The following ARHGAP32 variants were observed in gnomAD, a reference collection of about 807,000 sequenced individuals.
ARHGAP32 encodes rho GTPase-activating protein 32.
Under a neutral mutation model 186.5 loss-of-function variants are expected in ARHGAP32, and 51 were observed. The ratio of observed to expected loss-of-function variants is 0.27; its 90% CI spans 0.22 to 0.35. ARHGAP32 has a LOEUF of 0.35. Ranked by LOEUF, ARHGAP32 falls within the 10% of genes least tolerant of loss-of-function variation. ARHGAP32 has a pLI of 1.00. For missense variants in ARHGAP32, 2,186 were observed against 2,623.5 expected, an observed-to-expected ratio of 0.83 and a Z score of 3.64; for synonymous variants, 950 against 964.3, an observed-to-expected ratio of 0.99 and a Z score of 0.27.
At chr11:129,248,966 C>G (rs527903254) in intron 1 of ARHGAP32, among the ~76,000 whole-genome samples, 1 of 152,262 alleles carries the variant, frequency 6.6e-6, no homozygotes, top group Admixed American at 6.5e-5. Flanking sequence ...TTCCTCTAAA[C>G]GTGGTCACTT....
chr11:129,219,302 T>A (rs1050314375), intron 1 of ARHGAP32, among the ~76,000 whole-genome samples: 1 of 152,220 alleles, frequency 6.6e-6, no homozygotes. Context: ...ATTCTCTCAT[T>A]CTTTATCCAT....
intron 2 of ARHGAP32, among the ~76,000 whole-genome samples, chr11:129,162,030 G>A (rs1479272063): frequency 1.3e-5 from 2 of 152,130 alleles, no homozygotes; most frequent in Non-Finnish European, 2.9e-5. Flanking sequence ...ATCATTCTCA[G>A]CAAACTAACA....
At chr11:129,143,598 C>T (rs1943108055) in intron 2 of ARHGAP32, among the ~76,000 whole-genome samples, 3 of 152,162 alleles carry the variant, frequency 2.0e-5, no homozygotes, top group African/African-American at 4.8e-5. Context: ...ATTCAACTCA[C>T]GCTTCTTTGA....
In ARHGAP32 at chr11:128,967,755, C is replaced by T. The variant is rs1016394539; in HGVS notation, c.*1152G>A. ...ACTGCCCAGAACTCCACTGGTGAAACGGGGCTGTGAACTAAGCAGTTATTG... is the reference window on the plus strand; with the variant it reads ...ACTGCCCAGAACTCCACTGGTGAAATGGGGCTGTGAACTAAGCAGTTATTG... On this transcript the variant is annotated 3_prime_UTR_variant, in exon 23 of 23. Coordinates refer to ENST00000682385, the MANE Select transcript of ARHGAP32 (RefSeq NM_001378024.1). 3 of 152,078 alleles carry T rather than the reference C, an allele frequency of 2.0e-5. No homozygotes were observed. The highest frequency in any genetic ancestry group is 2.9e-5 in the Non-Finnish European group (2 of 68,016). 9.4% of individuals were successfully genotyped at this position (152,078 alleles called of 1,614,324 possible). A position where few individuals can be genotyped will look rare whatever the true frequency, so the allele number is the denominator to read the frequency against.
intron 1 of ARHGAP32, among the ~76,000 whole-genome samples, chr11:129,265,140 C>T (rs142132976): frequency 6.6e-6 from 1 of 152,296 alleles, no homozygotes; most frequent in East Asian, 1.9e-4. Flanking sequence ...CAACCTGTTT[C>T]CAAACTGGGA....
At chr11:129,033,681 T>C (rs964864047) in intron 11 of ARHGAP32, among the ~76,000 whole-genome samples, 3 of 152,216 alleles carry the variant, frequency 2.0e-5, no homozygotes, top group Non-Finnish European at 2.9e-5. Flanking sequence ...TTCTATAGTA[T>C]TATCTTCTAA....
chr11:129,133,422 A>G (rs1429352744), intron 2 of ARHGAP32, among the ~76,000 whole-genome samples: 1 of 152,220 alleles, frequency 6.6e-6, no homozygotes, highest in Non-Finnish European at 1.5e-5. Flanking sequence ...GATCACAGAA[A>G]ACAAAACAAG....
chr11:128,994,957 T>C (rs1946157941), intron 12 of ARHGAP32, among the ~76,000 whole-genome samples: 2 of 152,164 alleles, frequency 1.3e-5, no homozygotes, highest in South Asian at 2.1e-4. Flanking sequence ...AAGTTAATTT[T>C]TTTTCTAGTC....
At chr11:129,180,472 A>G (rs1298513970) in intron 1 of ARHGAP32, among the ~76,000 whole-genome samples, 4 of 152,130 alleles carry the variant, frequency 2.6e-5, no homozygotes, top group African/African-American at 9.7e-5. Context: ...TATGATTTGT[A>G]GACTTTATTA....
chr11:129,106,654 G>A (rs1026316096), intron 5 of ARHGAP32, among the ~76,000 whole-genome samples: 1 of 152,032 alleles, frequency 6.6e-6, no homozygotes, highest in Non-Finnish European at 1.5e-5. Flanking sequence ...AAATACACTT[G>A]TACATGTACT....
At chr11:129,170,778 T>C (rs1485306007) in intron 1 of ARHGAP32, among the ~76,000 whole-genome samples, 1 of 152,168 alleles carries the variant, frequency 6.6e-6, no homozygotes, top group Admixed American at 6.5e-5. Flanking sequence ...TAATTTACAT[T>C]CCCACCAACA....
chr11:129,219,303 C>T (rs1249218421), intron 1 of ARHGAP32, among the ~76,000 whole-genome samples: 3 of 152,166 alleles, frequency 2.0e-5, no homozygotes, highest in Non-Finnish European at 4.4e-5. Flanking sequence ...TTCTCTCATT[C>T]TTTATCCATG....
intron 5 of ARHGAP32, among the ~76,000 whole-genome samples, chr11:129,102,413 G>A (rs1941926676): frequency 6.6e-6 from 1 of 152,158 alleles, no homozygotes; most frequent in Non-Finnish European, 1.5e-5. Flanking sequence ...TGGCAAACTG[G>A]ATAAAGAACC....
At chr11:129,232,018 G>T (rs1430932013) in intron 1 of ARHGAP32, among the ~76,000 whole-genome samples, 2 of 91,202 alleles carry the variant, frequency 2.2e-5, no homozygotes, top group African/African-American at 9.2e-5. Flanking sequence ...AAAGTGAGAC[G>T]GACTCAAAAA....
Position 129,123,315 on chromosome 11 carries a change from A to T in ARHGAP32, c.444+131T>A. 1 of 699,206 alleles carries T rather than the reference A, an allele frequency of 1.4e-6. No homozygotes were observed. The highest frequency in any genetic ancestry group is 2.4e-6 in the Non-Finnish European group (1 of 422,324). The allele number at this position is 699,206 out of a possible 1,614,324, so 43.3% of individuals were successfully genotyped here. ...AGAGAAGAAAGATTTTACCTCAACC[A>T]ATAAGACATCAATTAAAAAAAAAAC... On this transcript the variant is annotated intron_variant, in intron 5 of 22. Transcript: ENST00000682385. The surrounding 1 kb of genome is among the most constrained non-coding windows in gnomAD (Gnocchi z 4.6).
chr11:129,195,467 C>T (rs1243148358), upstream of ARHGAP32, among the ~76,000 whole-genome samples: 2 of 152,134 alleles, frequency 1.3e-5, no homozygotes, highest in Non-Finnish European at 2.9e-5. Context: ...TCTGTTTTGA[C>T]TCTGCCATCA....
chr11:129,017,438 A>C (rs1938404281), intron 11 of ARHGAP32, among the ~76,000 whole-genome samples: 2 of 139,496 alleles, frequency 1.4e-5, no homozygotes, highest in African/African-American at 5.4e-5. Context: ...CAAGAGCAAG[A>C]CCCGGTCTCA....
chr11:129,145,375 G>T, intron 2 of ARHGAP32, among the ~76,000 whole-genome samples: 1 of 115,218 alleles, frequency 8.7e-6, no homozygotes, highest in African/African-American at 2.9e-5. Flanking sequence ...ATAGAAGAAG[G>T]GTAGAAGAAA....
chr11:129,171,071 C>T (rs1269472204), intron 1 of ARHGAP32, among the ~76,000 whole-genome samples: 1 of 152,122 alleles, frequency 6.6e-6, no homozygotes, highest in Admixed American at 6.5e-5. Context: ...GGATATTAGA[C>T]CTTTGTCAGA....
Sources: gnomAD v4.1 joint callset for allele counts (sites outside exome capture counted in the v4.1 genomes callset) on GRCh38, gnomAD v4.1.1 for gene constraint, Gnocchi (gnomAD v3.1) non-coding constraint, MANE v1.5 for transcripts, NCBI Gene and HGNC (gene_info 2026-07-23, HGNC 2026-07-21) for gene names.